PTGR1: variants seen among roughly 807,000 people sequenced by gnomAD.
PTGR1 encodes prostaglandin reductase 1, also known as 15-oxoprostaglandin 13-reductase.
Under a neutral mutation model 37.7 loss-of-function variants are expected in PTGR1, and 23 were observed. The observed-to-expected ratio is 0.61, with a 90% CI of 0.44 to 0.86. PTGR1 has a LOEUF of 0.86. PTGR1 is among the 40% of genes least tolerant of loss of function. PTGR1 has a pLI of 0.00. For missense variants in PTGR1, 351 were observed against 394.3 expected (o/e 0.89, Z 0.93); for synonymous variants, 134 against 140.0 (o/e 0.96, Z 0.30).
chr9:111,551,409 T>TG (rs1564602913), intron 9 of PTGR1, among the ~76,000 whole-genome samples: 1 of 134,548 alleles, frequency 7.4e-6, no homozygotes, highest in Admixed American at 7.3e-5. Context: ...TGTTTTTTTT[T>TG]TTTTTTTTTT....
At chr9:111,598,061 T>C (rs1458256572) in intron 1 of PTGR1, among the ~76,000 whole-genome samples, 2 of 151,948 alleles carry the variant, frequency 1.3e-5, no homozygotes, top group Non-Finnish European at 2.9e-5. Context: ...CTGTGTTGCC[T>C]AGGCGATCCG....
chr9:111,597,994 G>C (rs1477034477), intron 1 of PTGR1, among the ~76,000 whole-genome samples: 2 of 146,648 alleles, frequency 1.4e-5, no homozygotes, highest in Admixed American at 1.4e-4. Context: ...TTTCAGGTGC[G>C]TTTTTTTTTT....
At position 111,563,059 on chromosome 9, in the gene PTGR1, A is replaced by G; in HGVS notation, c.*62T>C. 1 of 1,583,768 alleles carries G rather than the reference A, an allele frequency of 6.3e-7. No individual in the cohort carries two copies. Among genetic ancestry groups the G allele is most frequent in the Non-Finnish European group, 8.6e-7 (1 of 1,165,846 alleles). On this transcript the variant is annotated 3_prime_UTR_variant, in exon 10 of 10. Transcript: ENST00000407693. ...TTTAAGGTAGTATACATTTTTGCTA[A>G]ATGGTGAAAAACAAATTAACTAATC...
At chr9:111,558,288 A>G (rs1047588242), downstream of PTGR1, among the ~76,000 whole-genome samples, 1 of 152,044 alleles carries the variant, frequency 6.6e-6, no homozygotes, top group African/African-American at 2.4e-5. Flanking sequence ...TGGAGCTCAA[A>G]TTTTCCATGA....
At chr9:111,568,898 G>A (rs1376066007) in intron 9 of PTGR1, among the ~76,000 whole-genome samples, 1 of 152,182 alleles carries the variant, frequency 6.6e-6, no homozygotes, top group African/African-American at 2.4e-5. Flanking sequence ...TGGGAGAAGT[G>A]TTCAGATTCT....
chr9:111,559,227 A>G (rs7037323), downstream of PTGR1, among the ~76,000 whole-genome samples: 48,492 of 151,990 alleles, frequency 0.32, 8,786 homozygotes, highest in Non-Finnish European at 0.42. Flanking sequence ...TAGGGATCAC[A>G]TACTTCACAC....
intron 4 of PTGR1, among the ~76,000 whole-genome samples, 172 bp from the exon 5 acceptor site, chr9:111,586,337 C>T (rs2273788): frequency 0.25 from 38,300 of 151,910 alleles, 5,025 homozygotes; most frequent in African/African-American, 0.31. Context: ...ATAGGGGTCA[C>T]CAGAGAACTC....
At chr9:111,579,653 C>A (rs1589309814) in intron 6 of PTGR1, among the ~76,000 whole-genome samples, 1 of 152,134 alleles carries the variant, frequency 6.6e-6, no homozygotes, top group African/African-American at 2.4e-5. Flanking sequence ...CTGCCTTGGC[C>A]TCCTAAAGTG....
At position 111,594,204 on chromosome 9, in the gene PTGR1, G is replaced by A; in HGVS notation, c.152+18C>T. 1.9e-6 allele frequency: 3 copies of A among 1,604,488 alleles called. No individual in the cohort carries two copies. Among genetic ancestry groups the A allele is most frequent in the Non-Finnish European group, 2.6e-6 (3 of 1,171,380 alleles). On this transcript the variant is annotated intron_variant, in intron 3 of 9. Transcript: ENST00000407693. ...TTTAACACAGCATTAGCATTTTGAG[G>A]GGCGAAATAAATAATACCTCATGTA... is the stretch of plus-strand genomic sequence containing the variant.
At chr9:111,561,148 G>GGAGA (rs527553902), downstream of PTGR1, among the ~76,000 whole-genome samples, 97 of 34,840 alleles carry the variant, frequency 2.8e-3, 2 homozygotes, top group South Asian at 0.016. Context: ...GGAGAGAGAG[G>GGAGA]GAGAGAGAGA....
chr9:111,555,441 A>G (rs1191383729), intron 9 of PTGR1, among the ~76,000 whole-genome samples: 1 of 152,062 alleles, frequency 6.6e-6, no homozygotes, highest in African/African-American at 2.4e-5. Context: ...GCTATTTTCT[A>G]CTGTGCTCTG....
At chr9:111,580,973 T>C (rs1161464263) in intron 6 of PTGR1, among the ~76,000 whole-genome samples, 1 of 152,146 alleles carries the variant, frequency 6.6e-6, no homozygotes, top group African/African-American at 2.4e-5. Context: ...AGCATGGCAG[T>C]CTCCAGTGGA....
chr9:111,584,776 A>G (rs1829383378), intron 5 of PTGR1, among the ~76,000 whole-genome samples: 1 of 152,198 alleles, frequency 6.6e-6, no homozygotes, highest in African/African-American at 2.4e-5. Context: ...CTGAACTTGT[A>G]TTATCCCTTG....
Position 111,578,896 on chromosome 9 carries a change from TTTTGAAGGTAGGCAACC to T in PTGR1, c.534_550del (p.Val179AlafsTer4). ...GTTAAAGACGACATCAAATCCAAGC[TTTTGAAGGTAGGCAACC>T]TTTTCATCAGACCCTACTGCTCCAA... On this transcript the variant is annotated frameshift_variant, in exon 7 of 10. Transcript: ENST00000407693. LOFTEE classifies it high-confidence loss of function. The T allele has an allele frequency of 6.2e-7, 1 of 1,612,844 alleles. No homozygotes were observed. Among genetic ancestry groups the T allele is most frequent in the East Asian group, 2.2e-5 (1 of 44,858 alleles).
intron 7 of PTGR1, chr9:111,577,376 T>C (rs151176618): frequency 2.6e-4 from 40 of 152,334 alleles, no homozygotes; most frequent in African/African-American, 9.1e-4. Context: ...TGTAAAGTAC[T>C]GTAGCCACTT....
rs796485132 is a variant in PTGR1 at position 111,588,019 on chromosome 9, T to TTC, written c.210-1855_210-1854insGA. 1.1e-4 allele frequency among the ~76,000 whole-genome samples: 16 copies of TTC among 141,042 alleles called. 1 individual carries two copies. Among genetic ancestry groups the TTC allele is most frequent in the Middle Eastern group, 3.4e-3 (1 of 298 alleles). 92.5% of individuals were successfully genotyped at this position (141,042 alleles called of 152,430 possible). A position where few individuals can be genotyped will look rare whatever the true frequency, so the allele number is the denominator to read the frequency against. On this transcript the variant is annotated intron_variant, in intron 4 of 9. Coordinates refer to ENST00000407693, the MANE Select transcript of PTGR1 (RefSeq NM_001146108.2). ...CATAAACGTGATTATTATTTTTTCT[T>TTC]TTTTTTTTTTTTGAGACACAGTCTC...
chr9:111,553,041 G>C (rs866978614), intron 9 of PTGR1, among the ~76,000 whole-genome samples: 27 of 152,088 alleles, frequency 1.8e-4, no homozygotes, highest in South Asian at 4.1e-4. Context: ...TTTAAAAGTT[G>C]TTTAAATTGT....
intron 6 of PTGR1, among the ~76,000 whole-genome samples, chr9:111,581,446 C>T (rs1300506203): frequency 6.6e-6 from 1 of 152,128 alleles, no homozygotes; most frequent in Non-Finnish European, 1.5e-5. Flanking sequence ...CAGATATAGA[C>T]ATTTCCTGGT....
intron 4 of PTGR1, 114 bp downstream of exon 4, chr9:111,592,812 T>C: frequency 7.3e-7 from 1 of 1,363,716 alleles, no homozygotes. Context: ...GATCACACAG[T>C]GAGTCAACAA....
Sources: allele counts gnomAD v4.1 joint callset (sites outside exome capture counted in the v4.1 genomes callset), GRCh38; gene constraint gnomAD v4.1.1; transcripts MANE v1.5; gene names NCBI Gene and HGNC (gene_info 2026-07-23, HGNC 2026-07-21).